The following HS3ST4 variants were observed in gnomAD, a reference collection of about 807,000 sequenced individuals.
HS3ST4 encodes heparan sulfate-glucosamine 3-sulfotransferase 4, also known as heparan sulfate glucosamine 3-O-sulfotransferase 4.
HS3ST4 carries 17 observed loss-of-function variants against 29.2 expected under a neutral mutation model. The observed-to-expected ratio is 0.58, with a 90% CI of 0.40 to 0.87. HS3ST4 has a LOEUF of 0.87. Ranked by LOEUF, HS3ST4 falls within the 40% of genes least tolerant of loss-of-function variation. The probability of loss-of-function intolerance (pLI) is 0.00; values close to 1 mark genes in which losing one functional copy is unlikely to be tolerated. For synonymous variants in HS3ST4, 314 were observed against 285.7 expected (o/e 1.10, Z -1.00); for missense variants, 627 against 634.5 (o/e 0.99, Z 0.13).
At chr16:25,894,459 A>G (rs1428950081) in intron 1 of HS3ST4, among the ~76,000 whole-genome samples, 1 of 151,792 alleles carries the variant, frequency 6.6e-6, no homozygotes, top group African/African-American at 2.4e-5. Flanking sequence ...GGATTTCTGT[A>G]ATACTGTGGC....
At position 26,066,633 on chromosome 16, in the gene HS3ST4, G is replaced by A. The variant is rs138604146; in HGVS notation, c.735-68979G>A. Among the ~76,000 whole-genome samples, 575 of 152,214 alleles carry A rather than the reference G, an allele frequency of 3.8e-3. 7 individuals carry two copies. Among genetic ancestry groups the A allele is most frequent in the African/African-American group, 0.013 (552 of 41,532 alleles). ...ACACACCTGTCACTTAGGTAAATGA[G>A]ACTCACCACCAGCAGCTGCAGTGTT... On this transcript the variant is annotated intron_variant, in intron 1 of 1. Transcript: ENST00000331351.
At chr16:25,828,250 T>G (rs12918377) in intron 1 of HS3ST4, among the ~76,000 whole-genome samples, 12,321 of 53,936 alleles carry the variant, frequency 0.23, 1,324 homozygotes, top group African/African-American at 0.32. Flanking sequence ...TTCTCTTTCT[T>G]TCTTTCTTTC....
At chr16:25,856,444 C>CA (rs552545833) in intron 1 of HS3ST4, among the ~76,000 whole-genome samples, 3 of 152,232 alleles carry the variant, frequency 2.0e-5, no homozygotes, top group Admixed American at 2.0e-4. Context: ...ACCTGCATAA[C>CA]AAAATCCCTA....
chr16:26,062,053 GA>G (rs1412572541), intron 1 of HS3ST4, among the ~76,000 whole-genome samples: 1 of 152,182 alleles, frequency 6.6e-6, no homozygotes, highest in Non-Finnish European at 1.5e-5. Flanking sequence ...CTACCATCTG[GA>G]GTTGCTGATG....
intron 1 of HS3ST4, among the ~76,000 whole-genome samples, chr16:26,121,203 G>A (rs1899272534): frequency 1.3e-5 from 2 of 152,214 alleles, no homozygotes; most frequent in Non-Finnish European, 2.9e-5. Flanking sequence ...CAGCCACTGA[G>A]TCAGCTGTGG....
intron 1 of HS3ST4, among the ~76,000 whole-genome samples, chr16:25,827,374 G>A (rs1967229255): frequency 6.6e-6 from 1 of 152,152 alleles, no homozygotes; most frequent in South Asian, 2.1e-4. Flanking sequence ...ACCTGCAGGT[G>A]TCTATGACCC....
intron 1 of HS3ST4, among the ~76,000 whole-genome samples, chr16:25,850,842 A>G (rs1967513327): frequency 6.6e-6 from 1 of 152,184 alleles, no homozygotes; most frequent in Non-Finnish European, 1.5e-5. Flanking sequence ...TTAAGGAGGG[A>G]ACAGGGAGTA....
intron 1 of HS3ST4, among the ~76,000 whole-genome samples, chr16:25,895,921 C>T (rs1968058489): frequency 6.6e-6 from 1 of 152,124 alleles, no homozygotes; most frequent in Admixed American, 6.5e-5. Flanking sequence ...CAGTCTGTAA[C>T]AGTGGACAAG....
rs1969633095 is a variant in HS3ST4, at chr16:26,041,154, A to G, written c.735-94458A>G. ...GGAGTTTGAGACCAGTCTGGGCAAC[A>G]CAGTGAGACCTCGTCTCTATAAAAG... On this transcript the variant is annotated intron_variant, in intron 1 of 1. Transcript: ENST00000331351. 2.0e-5 allele frequency among the ~76,000 whole-genome samples: 3 copies of G among 152,156 alleles called. 1 individual carries two copies. The highest frequency in any genetic ancestry group is 7.2e-5 in the African/African-American group (3 of 41,444).
intron 1 of HS3ST4, among the ~76,000 whole-genome samples, chr16:25,833,152 G>A (rs572380050): frequency 3.3e-5 from 5 of 152,252 alleles, no homozygotes; most frequent in African/African-American, 9.6e-5. Flanking sequence ...TGTGTGTTTT[G>A]CCTTAATAGC....
chr16:25,816,316 G>A (rs1444127732), intron 1 of HS3ST4, among the ~76,000 whole-genome samples: 4 of 152,128 alleles, frequency 2.6e-5, no homozygotes, highest in African/African-American at 9.7e-5. Flanking sequence ...GCAAGGTGGA[G>A]GCCGTGGCCC....
At chr16:25,819,078 C>T (rs1010432875) in intron 1 of HS3ST4, among the ~76,000 whole-genome samples, 7 of 152,094 alleles carry the variant, frequency 4.6e-5, no homozygotes, top group African/African-American at 1.7e-4. Flanking sequence ...CCCGGGGTCA[C>T]CCAATTCCTA....
rs187775288 is a variant in HS3ST4, at chr16:26,034,659, T to G, written c.735-100953T>G. On this transcript the variant is annotated intron_variant, in intron 1 of 1. Transcript: ENST00000331351. ...CTAAAACTGGAGGTGCTCCATTAAA[T>G]AGCAGGGGCGGGGGGGGGTCTCACC... 2.3e-4 allele frequency among the ~76,000 whole-genome samples: 28 copies of G among 122,520 alleles called. 1 individual carries two copies. The East Asian group carries it at 2.7e-3, about 12-fold the overall frequency. 80.4% of individuals were successfully genotyped at this position (122,520 alleles called of 152,430 possible).
At chr16:25,988,157 G>A (rs765993431) in intron 1 of HS3ST4, among the ~76,000 whole-genome samples, 21 of 152,306 alleles carry the variant, frequency 1.4e-4, no homozygotes, top group Admixed American at 1.2e-3. Context: ...TCGTCTGCAC[G>A]CCTGTCTTCC....
rs142682635 is a variant in HS3ST4 at position 25,763,708 on chromosome 16, A to G, written c.734+70557A>G. 9.5e-3 allele frequency among the ~76,000 whole-genome samples: 1,443 copies of G among 152,212 alleles called. 23 individuals carry two copies. Among genetic ancestry groups the G allele is most frequent in the African/African-American group, 0.033 (1,370 of 41,530 alleles). Reference sequence around the variant, plus strand: ...TCAGCTGGAAAGAAATTCATTGTGGACCCCAAAAGCAAGAGGGGCAAGAGG... The same window carrying G: ...TCAGCTGGAAAGAAATTCATTGTGGGCCCCAAAAGCAAGAGGGGCAAGAGG... On this transcript the variant is annotated intron_variant, in intron 1 of 1. Coordinates refer to ENST00000331351, the MANE Select transcript of HS3ST4 (RefSeq NM_006040.3).
intron 1 of HS3ST4, among the ~76,000 whole-genome samples, chr16:25,992,654 G>A (rs181672710): frequency 3.9e-4 from 59 of 152,384 alleles, no homozygotes; most frequent in African/African-American, 1.4e-3. Context: ...CGGGTCTTCT[G>A]ACAGTGCCAC....
At chr16:25,708,711 C>G (rs767825497) in intron 1 of HS3ST4, among the ~76,000 whole-genome samples, 6 of 152,164 alleles carry the variant, frequency 3.9e-5, no homozygotes, top group Non-Finnish European at 8.8e-5. Flanking sequence ...TCATTTAGAA[C>G]AAAACAATGA....
chr16:25,693,204 G>C, intron 1 of HS3ST4, 53 bp downstream of exon 1: 1 of 1,478,476 alleles, frequency 6.8e-7, no homozygotes, highest in Non-Finnish European at 9.0e-7. Context: ...AGACGCGGAG[G>C]GGAAGCCGCG....
intron 1 of HS3ST4, among the ~76,000 whole-genome samples, chr16:25,898,088 A>C (rs1414821327): frequency 1.3e-5 from 2 of 152,014 alleles, no homozygotes; most frequent in Non-Finnish European, 1.5e-5. Flanking sequence ...GGAGGAATTC[A>C]CCCCGGCCTC....
Sources: gnomAD v4.1 joint callset for allele counts (sites outside exome capture counted in the v4.1 genomes callset) on GRCh38, gnomAD v4.1.1 for gene constraint, MANE v1.5 for transcripts, NCBI Gene and HGNC (gene_info 2026-07-23, HGNC 2026-07-21) for gene names.